Variants in FLRT1 observed in about 807,000 individuals in gnomAD.
FLRT1 encodes the protein leucine-rich repeat transmembrane protein FLRT1.
FLRT1 carries 14 observed loss-of-function variants against 30.9 expected under a neutral mutation model. That is an observed-to-expected ratio of 0.45 (90% CI 0.30 to 0.71). FLRT1 has a LOEUF of 0.71. FLRT1 is among the 30% of genes least tolerant of loss of function. The pLI is 0.08. For missense variants in FLRT1, 737 were observed against 949.2 expected, an observed-to-expected ratio of 0.78 and a Z score of 2.94; for synonymous variants, 368 against 430.4, an observed-to-expected ratio of 0.85 and a Z score of 1.80.
rs2032169454 is a variant in FLRT1 at position 64,064,059 on chromosome 11, C to T, written c.-1038+27900C>T. Among the ~76,000 whole-genome samples the T allele has an allele frequency of 6.6e-6, 1 of 152,196 alleles. No homozygotes were observed. The highest frequency in any genetic ancestry group is 2.4e-5 in the African/African-American group (1 of 41,448). Reference sequence around the variant, plus strand: ...TCTTTGTAGGTTAGCCAGCTTTGAACAGCGACACCCACACAAACCCGAGGT... The same window carrying T: ...TCTTTGTAGGTTAGCCAGCTTTGAATAGCGACACCCACACAAACCCGAGGT... On this transcript the variant is annotated intron_variant, in intron 1 of 2. Transcript: ENST00000682287. The surrounding 1 kb of genome is among the most constrained non-coding windows in gnomAD (Gnocchi z 4.5).
At chr11:64,051,442 C>A (rs1357925405) in intron 1 of FLRT1, among the ~76,000 whole-genome samples, 3 of 152,192 alleles carry the variant, frequency 2.0e-5, no homozygotes, top group Non-Finnish European at 4.4e-5. Context: ...CCCACCCTCC[C>A]CAGGGTGGCA....
chr11:64,047,360 G>A lies in FLRT1; in HGVS notation c.-1038+11201G>A, dbSNP rs188475920. Among the ~76,000 whole-genome samples, 575 of 152,274 alleles carry A rather than the reference G, an allele frequency of 3.8e-3. 2 individuals are homozygous for A. Among genetic ancestry groups the A allele is most frequent in the Non-Finnish European group, 6.6e-3 (447 of 68,026 alleles). Reference sequence around the variant, plus strand: ...AAGGCGAAACCTGAGGCTCAGGGAGGTTCAGTCACTGGGCCAAGGTCACCC... The same window carrying A: ...AAGGCGAAACCTGAGGCTCAGGGAGATTCAGTCACTGGGCCAAGGTCACCC... On this transcript the variant is annotated intron_variant, in intron 1 of 2. Coordinates refer to ENST00000682287, the MANE Select transcript of FLRT1 (RefSeq NM_013280.5).
intron 2 of FLRT1, among the ~76,000 whole-genome samples, chr11:64,109,209 T>C (rs1392712348): frequency 1.3e-5 from 2 of 151,556 alleles, no homozygotes; most frequent in Admixed American, 6.6e-5. Flanking sequence ...GAATAGAAAA[T>C]AGCATCCCCA....
At position 64,118,232 on chromosome 11, in the gene FLRT1, C is replaced by T. The variant is rs677447; in HGVS notation, c.1965C>T (p.Tyr655=). Reference sequence around the variant, plus strand: ...GCAAGGCCACACACACCATTGGCTACGGCACCACGCGGGGCTACCGGGACG... The same window carrying T: ...GCAAGGCCACACACACCATTGGCTATGGCACCACGCGGGGCTACCGGGACG... ...SLCKATHTIG[Y]GTTRGYRDGG... is the part of the protein sequence containing the mutation. The change falls in exon 3 of 3, where the codon TAC becomes TAT. Residue 655 remains tyrosine (Y), a synonymous_variant. Coordinates refer to ENST00000682287, the MANE Select transcript of FLRT1 (RefSeq NM_013280.5). 1,014,370 of 1,611,120 alleles carry T rather than the reference C, an allele frequency of 0.63. 331,974 individuals are homozygous for T. The highest frequency in any genetic ancestry group is 0.68 in the Non-Finnish European group (798,414 of 1,178,408).
chr11:64,106,226 G>A (rs1338274843), intron 2 of FLRT1, among the ~76,000 whole-genome samples: 1 of 152,174 alleles, frequency 6.6e-6, no homozygotes, highest in Non-Finnish European at 1.5e-5. Context: ...TCTGCCATCT[G>A]CTGCACAATC....
intron 1 of FLRT1, among the ~76,000 whole-genome samples, chr11:64,038,321 C>T (rs1326498111): frequency 6.6e-6 from 1 of 152,208 alleles, no homozygotes; most frequent in African/African-American, 2.4e-5. Flanking sequence ...GCTTCCTTGC[C>T]TGCGCAGGGG....
In FLRT1 at chr11:64,096,287, T is replaced by C. The variant is rs1565230492; in HGVS notation, c.-1037-6907T>C. Among the ~76,000 whole-genome samples the C allele has an allele frequency of 6.6e-6, 1 of 152,186 alleles. No individual in the cohort carries two copies. The highest frequency in any genetic ancestry group is 1.5e-5 in the Non-Finnish European group (1 of 68,028). Reference sequence around the variant, plus strand: ...TTCCTGAAAGAAGAGGTTCCGGCCTTGGCTGGTGGCGCCAGGTTCATCACC... The same window carrying C: ...TTCCTGAAAGAAGAGGTTCCGGCCTCGGCTGGTGGCGCCAGGTTCATCACC... On this transcript the variant is annotated intron_variant, in intron 1 of 2. Transcript: ENST00000682287. The surrounding 1 kb of genome is among the most constrained non-coding windows in gnomAD (Gnocchi z 4.6).
chr11:64,107,163 G>A (rs1226619111), intron 2 of FLRT1, among the ~76,000 whole-genome samples: 2 of 152,076 alleles, frequency 1.3e-5, no homozygotes, highest in Non-Finnish European at 2.9e-5. Flanking sequence ...GGATTACAAT[G>A]AGCCAACTTG....
Position 64,090,797 on chromosome 11 carries a change from T to TG in FLRT1, c.-1037-12397_-1037-12396insG, listed in dbSNP as rs1286785182. On this transcript the variant is annotated intron_variant, in intron 1 of 2. Transcript: ENST00000682287. The surrounding 1 kb of genome is among the most constrained non-coding windows in gnomAD (Gnocchi z 4.7). Reference sequence around the variant, plus strand: ...CGTCTCTCCACCAGGCACTTGGGGTTTGTCTCTGGGGCTCTGCAGAAGCAG... The same window carrying TG: ...CGTCTCTCCACCAGGCACTTGGGGTTGTGTCTCTGGGGCTCTGCAGAAGCAG... Among the ~76,000 whole-genome samples, 1 of 151,916 alleles carries TG rather than the reference T, an allele frequency of 6.6e-6. No individual in the cohort carries two copies. The highest frequency in any genetic ancestry group is 1.5e-5 in the Non-Finnish European group (1 of 67,982).
At chr11:64,037,591 C>T (rs1943406803) in intron 1 of FLRT1, among the ~76,000 whole-genome samples, 1 of 152,104 alleles carries the variant, frequency 6.6e-6, no homozygotes, top group Non-Finnish European at 1.5e-5. Flanking sequence ...GTGTGAGGGG[C>T]AGGAAGAGCT....
intron 2 of FLRT1, among the ~76,000 whole-genome samples, chr11:64,107,441 G>A (rs1204143014): frequency 1.3e-5 from 2 of 150,316 alleles, no homozygotes; most frequent in East Asian, 3.9e-4. Context: ...TTTTAAAAGC[G>A]ATTTACATTC....
At chr11:64,055,965 G>A (rs530237666) in intron 1 of FLRT1, among the ~76,000 whole-genome samples, 11 of 152,324 alleles carry the variant, frequency 7.2e-5, no homozygotes, top group African/African-American at 2.4e-4. Flanking sequence ...CACCCGGGGA[G>A]CTCCTGGGAG....
chr11:64,108,640 G>T (rs1295437248), intron 2 of FLRT1, among the ~76,000 whole-genome samples: 1 of 152,252 alleles, frequency 6.6e-6, no homozygotes, highest in Non-Finnish European at 1.5e-5. Flanking sequence ...AGTGGGAGGT[G>T]GGACTGGGGT....
At chr11:64,059,734 C>T (rs531939912) in intron 1 of FLRT1, among the ~76,000 whole-genome samples, 21 of 152,346 alleles carry the variant, frequency 1.4e-4, no homozygotes, top group Non-Finnish European at 8.8e-5. Context: ...CCAGCTGAGG[C>T]AAACGCAGGC....
Position 64,102,235 on chromosome 11 carries a change from G to A in FLRT1, c.-1037-959G>A, listed in dbSNP as rs185678444. Among the ~76,000 whole-genome samples the A allele has an allele frequency of 1.9e-4, 29 of 152,310 alleles. 1 individual carries two copies. The East Asian group carries it at 4.8e-3, about 25-fold the overall frequency. On this transcript the variant is annotated intron_variant, in intron 1 of 2. Coordinates refer to ENST00000682287, the MANE Select transcript of FLRT1 (RefSeq NM_013280.5). ...GGGAATACAGACACCAGGGCGCCGC[G>A]GCCCTTCCACATGCCGCACTAATGA...
intron 1 of FLRT1, among the ~76,000 whole-genome samples, chr11:64,038,007 G>T (rs1227623788): frequency 1.3e-5 from 2 of 152,198 alleles, no homozygotes; most frequent in African/African-American, 2.4e-5. Flanking sequence ...GACTTCAGAG[G>T]GTCGGGGGGT....
chr11:64,113,477 TATGGATGGATGG>T (rs548042849), intron 2 of FLRT1, among the ~76,000 whole-genome samples: 1 of 102,918 alleles, frequency 9.7e-6, no homozygotes, highest in African/African-American at 3.9e-5. Flanking sequence ...TTGATGCATA[TATGGATGGATGG>T]ATGGATGGTT....
intron 2 of FLRT1, among the ~76,000 whole-genome samples, chr11:64,105,477 T>C (rs1305852137): frequency 6.6e-6 from 1 of 152,206 alleles, no homozygotes; most frequent in African/African-American, 2.4e-5. Context: ...CCCCTCCCTG[T>C]ATGCCTCCCC....
intron 1 of FLRT1, among the ~76,000 whole-genome samples, chr11:64,051,274 G>A (rs897120280): frequency 1.3e-5 from 2 of 152,204 alleles, no homozygotes; most frequent in African/African-American, 2.4e-5. Flanking sequence ...GGGAGGGGAG[G>A]GGCTGGTCCC....
Sources: gnomAD v4.1 joint callset for allele counts (sites outside exome capture counted in the v4.1 genomes callset) on GRCh38, gnomAD v4.1.1 for gene constraint, Gnocchi (gnomAD v3.1) non-coding constraint, MANE v1.5 for transcripts, NCBI Gene and HGNC (gene_info 2026-07-23, HGNC 2026-07-21) for gene names.